Variants in MXI1 observed in about 807,000 individuals in gnomAD.
MXI1 encodes max-interacting protein 1.
A neutral mutation model predicts 36.9 loss-of-function variants in MXI1; 18 were observed. That is an observed-to-expected ratio of 0.49 (90% CI 0.34 to 0.72). The LOEUF (loss-of-function observed/expected upper bound fraction) is 0.72. Ranked by LOEUF, MXI1 falls within the 30% of genes least tolerant of loss-of-function variation. MXI1 has a pLI of 0.01. For missense variants in MXI1, 304 were observed against 379.1 expected (o/e 0.80, Z 1.64); for synonymous variants, 160 against 146.7 (o/e 1.09, Z -0.65).
At position 110,228,235 on chromosome 10, in the gene MXI1, C is replaced by T. The variant is rs1299016254; in HGVS notation, c.321C>T (p.Pro107=). Residue 107 remains proline (P), a synonymous_variant, in exon 2 of 6, where the codon CCC becomes CCT. Transcript: ENST00000332674. The part of the protein sequence containing the change: ...YASSFPSMPS[P]RLQHSKPPRR... ...CTTCATTCCCGTCCATGCCGAGCCCCCGACTGCAGCATTCAAAGCCCCCAC... is the reference window on the plus strand; with the variant it reads ...CTTCATTCCCGTCCATGCCGAGCCCTCGACTGCAGCATTCAAAGCCCCCAC... 1.2e-6 allele frequency: 2 copies of T among 1,613,966 alleles called. No homozygotes were observed. Among genetic ancestry groups the T allele is most frequent in the East Asian group, 2.2e-5 (1 of 44,894 alleles).
At chr10:110,270,457 T>A (rs1268768898) in intron 3 of MXI1, among the ~76,000 whole-genome samples, 1 of 151,708 alleles carries the variant, frequency 6.6e-6, no homozygotes, top group Non-Finnish European at 1.5e-5. Context: ...TTTTTTCAAA[T>A]GAGGCTGTCA....
chr10:110,280,482 C>T (rs930952919), intron 5 of MXI1, among the ~76,000 whole-genome samples: 1 of 151,706 alleles, frequency 6.6e-6, no homozygotes, highest in African/African-American at 2.4e-5. Context: ...AGATCGAGGC[C>T]ATCCTGGCTA....
At chr10:110,284,153 T>C (rs1470871542) in intron 5 of MXI1, among the ~76,000 whole-genome samples, 1 of 151,962 alleles carries the variant, frequency 6.6e-6, no homozygotes. Context: ...TTTTAATGTT[T>C]GGCTTTTAAG....
chr10:110,208,492 G>A (rs1187184333), intron 1 of MXI1: 1 of 159,152 alleles, frequency 6.3e-6, no homozygotes, highest in Non-Finnish European at 1.4e-5. Context: ...GTTCCTGGGT[G>A]GGGTGGGGAT....
intron 3 of MXI1, among the ~76,000 whole-genome samples, chr10:110,253,309 A>C (rs948276988): frequency 1.3e-5 from 2 of 151,684 alleles, no homozygotes; most frequent in African/African-American, 4.8e-5. Context: ...GGATGTTTTG[A>C]GAGAGTGATG....
At chr10:110,253,372 G>C (rs1050203873) in intron 3 of MXI1, among the ~76,000 whole-genome samples, 1 of 152,026 alleles carries the variant, frequency 6.6e-6, no homozygotes, top group African/African-American at 2.4e-5. Context: ...CTTTATGACT[G>C]AGGGTTAGGC....
At chr10:110,264,252 T>A (rs543579302) in intron 3 of MXI1, among the ~76,000 whole-genome samples, 1 of 152,342 alleles carries the variant, frequency 6.6e-6, no homozygotes, top group East Asian at 1.9e-4. Flanking sequence ...GAGTTTCAAA[T>A]ATGGTATACC....
At chr10:110,212,151 T>G (rs1854530143) in intron 1 of MXI1, among the ~76,000 whole-genome samples, 1 of 152,118 alleles carries the variant, frequency 6.6e-6, no homozygotes, top group South Asian at 2.1e-4. Context: ...AGGCAACACT[T>G]AAGATAGGGA....
rs1489172790 is a variant in MXI1 at position 110,284,990 on chromosome 10, C to T, written c.*3C>T. The stretch of plus-strand genomic sequence containing the variant: ...TCAAACTTTCATTCACTTCATAGAA[C>T]CCAGCATGACATAACAGTGCAGGGC... On this transcript the variant is annotated 3_prime_UTR_variant, in exon 6 of 6. Coordinates refer to ENST00000332674, the MANE Select transcript of MXI1 (RefSeq NM_130439.3). 2.5e-6 allele frequency: 4 copies of T among 1,609,394 alleles called. No homozygotes were observed. The highest frequency in any genetic ancestry group is 3.4e-6 in the Non-Finnish European group (4 of 1,178,182).
chr10:110,259,834 A>G (rs1856446235), intron 3 of MXI1, among the ~76,000 whole-genome samples: 1 of 152,078 alleles, frequency 6.6e-6, no homozygotes, highest in Admixed American at 6.6e-5. Flanking sequence ...CTTTAGGTCT[A>G]AACTAGGATT....
chr10:110,215,283 G>A (rs1977829), intron 1 of MXI1, among the ~76,000 whole-genome samples: 38,546 of 151,734 alleles, frequency 0.25, 6,331 homozygotes, highest in African/African-American at 0.47. Context: ...CTTGTGATCT[G>A]CCCACCTTGA....
chr10:110,244,728 A>G, intron 2 of MXI1, 100 bp from the exon 3 acceptor site: 1 of 926,606 alleles, frequency 1.1e-6, no homozygotes, highest in East Asian at 2.7e-5. Flanking sequence ...TTGCATTGTT[A>G]AATAAATTCA....
At chr10:110,210,652 C>T (rs1854488652) in intron 1 of MXI1, among the ~76,000 whole-genome samples, 1 of 152,264 alleles carries the variant, frequency 6.6e-6, no homozygotes, top group Admixed American at 6.5e-5. Flanking sequence ...CTCTCCTCCC[C>T]TCCTCCTGCC....
At chr10:110,227,283 G>C in intron 1 of MXI1, 1 of 927,532 alleles carries the variant, frequency 1.1e-6, no homozygotes, top group Non-Finnish European at 1.3e-6. Flanking sequence ...CGTGTGGGAG[G>C]GGCGTGCGCG....
chr10:110,264,525 C>G (rs1184351569), intron 3 of MXI1, among the ~76,000 whole-genome samples: 1 of 151,772 alleles, frequency 6.6e-6, no homozygotes, highest in Admixed American at 6.6e-5. Flanking sequence ...GCCACCACAC[C>G]CAGCTAATGT....
At chr10:110,254,910 G>T (rs770742062) in intron 3 of MXI1, among the ~76,000 whole-genome samples, 2 of 152,192 alleles carry the variant, frequency 1.3e-5, no homozygotes, top group Non-Finnish European at 2.9e-5. Context: ...AGGTGCTAAG[G>T]TGGAAGCTGT....
chr10:110,217,574 CTG>C (rs1419196574), intron 1 of MXI1, among the ~76,000 whole-genome samples: 2 of 152,200 alleles, frequency 1.3e-5, no homozygotes, highest in Non-Finnish European at 1.5e-5. Context: ...GCTCCCAAGA[CTG>C]TGTGTGCCTT....
chr10:110,255,658 A>G (rs2134417139), intron 3 of MXI1, among the ~76,000 whole-genome samples: 1 of 152,336 alleles, frequency 6.6e-6, no homozygotes, highest in East Asian at 1.9e-4. Flanking sequence ...TACTTTTGAA[A>G]TAAATTAAGG....
At chr10:110,227,261 G>T (rs1208797611) in intron 1 of MXI1, 2 of 860,434 alleles carry the variant, frequency 2.3e-6, no homozygotes, top group African/African-American at 2.3e-5. Flanking sequence ...GCGTGTGCGG[G>T]AAGGGCGTGC....
Sources: allele counts gnomAD v4.1 joint callset (sites outside exome capture counted in the v4.1 genomes callset), GRCh38; gene constraint gnomAD v4.1.1; transcripts MANE v1.5; gene names NCBI Gene and HGNC (gene_info 2026-07-23, HGNC 2026-07-21).